The following CARMIL1 variants were observed in gnomAD, a reference collection of about 807,000 sequenced individuals.
CARMIL1 encodes the protein capping protein regulator and myosin 1 linker 1.
CARMIL1 carries 90 observed loss-of-function variants against 177.1 expected under a neutral mutation model. The observed-to-expected ratio is 0.51, with a 90% CI of 0.43 to 0.61. The LOEUF is 0.61. Among genes scored for constraint, CARMIL1 ranks in the 20% least tolerant of loss-of-function variants. The pLI, the probability that CARMIL1 is intolerant of heterozygous loss-of-function variation, is 0.00. For synonymous variants in CARMIL1, 577 were observed against 606.2 expected, an observed-to-expected ratio of 0.95 and a Z score of 0.71; for missense variants, 1,380 against 1,667.0, an observed-to-expected ratio of 0.83 and a Z score of 3.00.
chr6:25,384,781 CTA>C (rs1261277418), intron 2 of CARMIL1, among the ~76,000 whole-genome samples: 4 of 152,208 alleles, frequency 2.6e-5, no homozygotes, highest in Non-Finnish European at 5.9e-5. Context: ...TACTTGATGA[CTA>C]TAAATTCTAT....
At chr6:25,451,986 G>GCTCCCCCCCC in intron 8 of CARMIL1, 4 of 112,672 alleles carry the variant, frequency 3.6e-5, no homozygotes, top group East Asian at 2.0e-4. Flanking sequence ...CTAGCATCTT[G>GCTCCCCCCCC]CCCCCCCCTC....
chr6:25,393,710 A>ATT (rs531830183), intron 2 of CARMIL1, among the ~76,000 whole-genome samples: 181 of 143,626 alleles, frequency 1.3e-3, no homozygotes, highest in African/African-American at 1.9e-3. Context: ...CTGCTCTACA[A>ATT]TTTTTTTTTT....
chr6:25,398,873 G>A (rs1793654597), intron 2 of CARMIL1, among the ~76,000 whole-genome samples: 1 of 152,100 alleles, frequency 6.6e-6, no homozygotes, highest in Non-Finnish European at 1.5e-5. Flanking sequence ...TGATAATTGA[G>A]GGTTCAAATT....
In CARMIL1 at chr6:25,533,601, G is replaced by A. The variant is rs191484079; in HGVS notation, c.2068-4254G>A. On this transcript the variant is annotated intron_variant, in intron 24 of 36. Transcript: ENST00000329474. ...ACCATCTCATCTTTCTTAAAACTCA[G>A]TTCTTAGTTCACTGGACAATGCACC... Among the ~76,000 whole-genome samples, 497 of 152,128 alleles carry A rather than the reference G, an allele frequency of 3.3e-3. 1 individual carries two copies. Among genetic ancestry groups the A allele is most frequent in the African/African-American group, 4.8e-3 (199 of 41,498 alleles).
chr6:25,555,073 C>T (rs1810478427), intron 28 of CARMIL1, among the ~76,000 whole-genome samples: 1 of 152,072 alleles, frequency 6.6e-6, no homozygotes, highest in African/African-American at 2.4e-5. Context: ...ATGGATGGTT[C>T]CCCAGAGGAA....
At chr6:25,284,467 T>C (rs543392686) in intron 1 of CARMIL1, among the ~76,000 whole-genome samples, 27 of 152,338 alleles carry the variant, frequency 1.8e-4, no homozygotes, top group African/African-American at 6.0e-4. Flanking sequence ...CCCGGCACTT[T>C]GGGAGGCCAA....
intron 31 of CARMIL1, among the ~76,000 whole-genome samples, chr6:25,584,020 CT>C (rs1813387322): frequency 7.5e-6 from 1 of 133,666 alleles, no homozygotes; most frequent in African/African-American, 2.8e-5. Flanking sequence ...CTTTTCTTTT[CT>C]TTTTCTTTTT....
chr6:25,312,918 A>C (rs997325), intron 2 of CARMIL1, among the ~76,000 whole-genome samples: 11,606 of 141,838 alleles, frequency 0.082, 566 homozygotes, highest in African/African-American at 0.14. Flanking sequence ...AAAAAAAAAA[A>C]AAAAAAAAAA....
At chr6:25,292,213 T>C (rs1189193997) in intron 2 of CARMIL1, among the ~76,000 whole-genome samples, 1 of 152,194 alleles carries the variant, frequency 6.6e-6, no homozygotes, top group East Asian at 1.9e-4. Context: ...ACAGTTGCCT[T>C]TGTGGTACCA....
intron 8 of CARMIL1, among the ~76,000 whole-genome samples, chr6:25,454,763 A>G (rs926968294): frequency 6.6e-6 from 1 of 152,198 alleles, no homozygotes; most frequent in African/African-American, 2.4e-5. Flanking sequence ...TTGAATTACA[A>G]CAAATTTTAT....
chr6:25,604,752 T>A, intron 33 of CARMIL1, 60 bp from the exon 34 acceptor site: 1 of 1,318,186 alleles, frequency 7.6e-7, no homozygotes, highest in Non-Finnish European at 1.1e-6. Context: ...TGCATTGTTT[T>A]TTCACTTTTG....
At chr6:25,483,315 T>A (rs1455120905) in intron 12 of CARMIL1, among the ~76,000 whole-genome samples, 1 of 152,218 alleles carries the variant, frequency 6.6e-6, no homozygotes, top group Non-Finnish European at 1.5e-5. Flanking sequence ...AGTTCTGTAG[T>A]CAGATTGCCG....
chr6:25,387,958 AAAGG>A (rs1451805208), intron 2 of CARMIL1, among the ~76,000 whole-genome samples: 1 of 152,182 alleles, frequency 6.6e-6, no homozygotes, highest in Non-Finnish European at 1.5e-5. Context: ...GGAAGAAAGA[AAAGG>A]AAGGAACAGA....
At chr6:25,441,027 A>G (rs1051492625) in intron 5 of CARMIL1, among the ~76,000 whole-genome samples, 1 of 152,138 alleles carries the variant, frequency 6.6e-6, no homozygotes, top group Non-Finnish European at 1.5e-5. Context: ...AAATGAACCT[A>G]TACCTCCAAA....
rs114913446 is a variant in CARMIL1, at chr6:25,325,222, C to T, written c.138+40313C>T. Among the ~76,000 whole-genome samples, 931 of 152,168 alleles carry T rather than the reference C, an allele frequency of 6.1e-3. 6 individuals are homozygous for T. Among genetic ancestry groups the T allele is most frequent in the African/African-American group, 0.021 (872 of 41,502 alleles). On this transcript the variant is annotated intron_variant, in intron 2 of 36. Transcript: ENST00000329474. Reference sequence around the variant, plus strand: ...TGCCCTGAGATGAGTTTTCTATATTCGTGTGGTAGAGAATTCATTGAAACT... The same window carrying T: ...TGCCCTGAGATGAGTTTTCTATATTTGTGTGGTAGAGAATTCATTGAAACT...
intron 2 of CARMIL1, among the ~76,000 whole-genome samples, chr6:25,328,689 G>T (rs562694726): frequency 4.5e-4 from 68 of 152,164 alleles, no homozygotes; most frequent in Middle Eastern, 3.4e-3. Context: ...AGGCTTTGGA[G>T]CCACTTTCCT....
At chr6:25,296,534 A>T (rs1782375785) in intron 2 of CARMIL1, among the ~76,000 whole-genome samples, 1 of 152,226 alleles carries the variant, frequency 6.6e-6, no homozygotes, top group Non-Finnish European at 1.5e-5. Flanking sequence ...ACAGACAAAG[A>T]AAATCAAGAC....
At chr6:25,401,332 G>A (rs1393200697) in intron 2 of CARMIL1, among the ~76,000 whole-genome samples, 1 of 152,082 alleles carries the variant, frequency 6.6e-6, no homozygotes, top group Non-Finnish European at 1.5e-5. Flanking sequence ...CACAAAATGT[G>A]TGTGTTTATA....
At chr6:25,477,161 G>A (rs1216585443) in intron 11 of CARMIL1, among the ~76,000 whole-genome samples, 1 of 151,478 alleles carries the variant, frequency 6.6e-6, no homozygotes, top group Non-Finnish European at 1.5e-5. Context: ...CAGTTAAGTG[G>A]CCAGGAATTC....
Sources: gnomAD v4.1 joint callset for allele counts (sites outside exome capture counted in the v4.1 genomes callset) on GRCh38, gnomAD v4.1.1 for gene constraint, MANE v1.5 for transcripts, NCBI Gene and HGNC (gene_info 2026-07-23, HGNC 2026-07-21) for gene names.